Variants in ABCC11 observed in about 807,000 individuals in gnomAD.
ABCC11 encodes the protein ATP-binding cassette sub-family C member 11.
In ABCC11, 135 loss-of-function variants were observed where a neutral mutation model predicts 149.3. The ratio of observed to expected loss-of-function variants is 0.90; its 90% CI spans 0.79 to 1.04. The LOEUF (loss-of-function observed/expected upper bound fraction) is 1.04, where lower values mean the gene tolerates loss of function less well. Ranked by LOEUF, ABCC11 falls within the 50% of genes least tolerant of loss-of-function variation. The pLI, the probability that ABCC11 is intolerant of heterozygous loss-of-function variation, is 0.00. For synonymous variants in ABCC11, 665 were observed against 671.4 expected (o/e 0.99, Z 0.15); for missense variants, 1,680 against 1,722.1 (o/e 0.98, Z 0.43).
chr16:48,235,952 T>G (rs1874520048), intron 1 of ABCC11, among the ~76,000 whole-genome samples: 1 of 152,148 alleles, frequency 6.6e-6, no homozygotes, highest in Non-Finnish European at 1.5e-5. Context: ...CTGATTTATT[T>G]CCATGTTCTT....
chr16:48,185,329 T>C (rs767376495), intron 22 of ABCC11, among the ~76,000 whole-genome samples: 1 of 152,244 alleles, frequency 6.6e-6, no homozygotes, highest in Non-Finnish European at 1.5e-5. Flanking sequence ...CAATTGTTAG[T>C]ATTTTGCCAT....
rs373067714 is a variant in ABCC11 at position 48,175,437 on chromosome 16, C to A, written c.3539-20G>T. 26 of 1,594,286 alleles carry A rather than the reference C, an allele frequency of 1.6e-5. No individual in the cohort carries two copies. The highest frequency in any genetic ancestry group is 5.4e-5 in the African/African-American group (4 of 74,622). On this transcript the variant is annotated intron_variant, in intron 25 of 29. Coordinates refer to ENST00000356608, the MANE Select transcript of ABCC11 (RefSeq NM_001370497.1). ...ACTTCCCTGTGGGGCAAGAAACAAGCGGGGCCTCAGTTTCCTGCATCTGCA... is the reference window on the plus strand; with the variant it reads ...ACTTCCCTGTGGGGCAAGAAACAAGAGGGGCCTCAGTTTCCTGCATCTGCA...
At chr16:48,224,847 A>AC (rs551249765) in intron 4 of ABCC11, among the ~76,000 whole-genome samples, 220 of 152,052 alleles carry the variant, frequency 1.4e-3, no homozygotes, top group African/African-American at 5.0e-3. Flanking sequence ...ACATGGTGAA[A>AC]CCCCCATCTC....
intron 1 of ABCC11, among the ~76,000 whole-genome samples, chr16:48,243,022 C>T (rs1032454878): frequency 3.3e-5 from 5 of 150,898 alleles, no homozygotes; most frequent in Non-Finnish European, 7.4e-5. Context: ...GTACGTTGTG[C>T]ACATGTACCC....
At position 48,222,578 on chromosome 16, in the gene ABCC11, A is replaced by T; in HGVS notation, c.777+20T>A. The T allele has an allele frequency of 6.2e-7, 1 of 1,601,140 alleles. No homozygotes were observed. The highest frequency in any genetic ancestry group is 1.1e-5 in the South Asian group (1 of 90,714). On this transcript the variant is annotated intron_variant, in intron 6 of 29. Coordinates refer to ENST00000356608, the MANE Select transcript of ABCC11 (RefSeq NM_001370497.1). ...AGGGTAGGGAAGCATGGCCCAGAAT[A>T]GGCAGTCCCAGCTGCTTACCTCTCC... is the stretch of plus-strand genomic sequence containing the variant.
intron 28 of ABCC11, among the ~76,000 whole-genome samples, chr16:48,167,889 G>A (rs1268597292): frequency 6.6e-6 from 1 of 152,144 alleles, no homozygotes; most frequent in Non-Finnish European, 1.5e-5. Context: ...CATTTTAGTG[G>A]CCAGAGAATT....
At chr16:48,236,640 G>T (rs1970703532) in intron 1 of ABCC11, among the ~76,000 whole-genome samples, 1 of 152,158 alleles carries the variant, frequency 6.6e-6, no homozygotes, top group Non-Finnish European at 1.5e-5. Flanking sequence ...CAAAAAAGGA[G>T]CTAGGAAAGC....
chr16:48,169,396 G>A (rs951444417), intron 28 of ABCC11, among the ~76,000 whole-genome samples: 1 of 152,136 alleles, frequency 6.6e-6, no homozygotes, highest in African/African-American at 2.4e-5. Flanking sequence ...TTTTGTAGAA[G>A]GTGTAAGGAA....
intron 25 of ABCC11, 147 bp downstream of exon 25, chr16:48,176,777 A>G: frequency 1.1e-6 from 1 of 949,268 alleles, no homozygotes; most frequent in Middle Eastern, 3.4e-4. Context: ...TTCGCTCACC[A>G]GTGTTTGTCT....
intron 26 of ABCC11, 114 bp downstream of exon 26, chr16:48,175,144 C>A: frequency 2.2e-6 from 3 of 1,386,728 alleles, no homozygotes; most frequent in Non-Finnish European, 2.9e-6. Context: ...CCCAGCAGGC[C>A]AAGGAGGCCT....
chr16:48,220,883 G>T (rs975341446), intron 6 of ABCC11, among the ~76,000 whole-genome samples: 2 of 152,196 alleles, frequency 1.3e-5, no homozygotes, highest in African/African-American at 4.8e-5. Context: ...ATCTGAAATG[G>T]TTTGTGTCTT....
intron 3 of ABCC11, among the ~76,000 whole-genome samples, chr16:48,229,730 C>T (rs543745031): frequency 6.6e-6 from 1 of 152,156 alleles, no homozygotes; most frequent in Non-Finnish European, 1.5e-5. Flanking sequence ...TCCCAAAGTG[C>T]TGGGATTACA....
intron 28 of ABCC11, 149 bp downstream of exon 28, chr16:48,169,956 G>A: frequency 1.6e-6 from 1 of 623,106 alleles, no homozygotes; most frequent in Non-Finnish European, 2.8e-6. Flanking sequence ...GGATTCTGTT[G>A]CTGTTGTTGT....
intron 20 of ABCC11, among the ~76,000 whole-genome samples, chr16:48,190,776 A>G (rs532123276): frequency 6.6e-6 from 1 of 152,320 alleles, no homozygotes; most frequent in Non-Finnish European, 1.5e-5. Context: ...ACTCAGGGCA[A>G]TCATAAGCAA....
intron 1 of ABCC11, among the ~76,000 whole-genome samples, chr16:48,244,944 T>G (rs748744949): frequency 9.2e-5 from 14 of 152,180 alleles, no homozygotes; most frequent in Admixed American, 2.0e-4. Flanking sequence ...CCAGTGCTTT[T>G]AACTTTCCAG....
rs767686209 is a variant in ABCC11 at position 48,167,592 on chromosome 16, G to T, written c.3960C>A (p.Ile1320=). 1.9e-6 allele frequency: 3 copies of T among 1,612,466 alleles called. No homozygotes were observed. The highest frequency in any genetic ancestry group is 2.2e-5 in the South Asian group (2 of 91,066). Residue 1320 remains isoleucine (I), a synonymous_variant, in exon 29 of 30, where the codon ATC becomes ATA. Coordinates refer to ENST00000356608, the MANE Select transcript of ABCC11 (RefSeq NM_001370497.1). ...METDTLIQRT[I]REAFQGCTVL... is the part of the protein sequence containing the mutation. ...CGGTGCAGCCCTGGAAGGCTTCACG[G>T]ATTGTGCGCTGGATCAGGGTGTCTG... is the stretch of plus-strand genomic sequence containing the variant.
At position 48,200,229 on chromosome 16, in the gene ABCC11, T is replaced by C. The variant is rs766389185; in HGVS notation, c.2082+47A>G. On this transcript the variant is annotated intron_variant, in intron 15 of 29. Coordinates refer to ENST00000356608, the MANE Select transcript of ABCC11 (RefSeq NM_001370497.1). Reference sequence around the variant, plus strand: ...CTCTGAAATGGCAAAGGCTTGAGGATCTACGTTATCCGTCAATCACAGTCA... The same window carrying C: ...CTCTGAAATGGCAAAGGCTTGAGGACCTACGTTATCCGTCAATCACAGTCA... 12 of 1,576,290 alleles carry C rather than the reference T, an allele frequency of 7.6e-6. No individual in the cohort carries two copies. The East Asian group carries it at 1.6e-4, about 21-fold the overall frequency.
At chr16:48,225,008 G>C (rs1018861740) in intron 4 of ABCC11, among the ~76,000 whole-genome samples, 1 of 151,554 alleles carries the variant, frequency 6.6e-6, no homozygotes, top group African/African-American at 2.4e-5. Flanking sequence ...GGGTGACAGA[G>C]TGAGACTCCA....
rs758230101 is a variant in ABCC11, at chr16:48,197,932, G to C, written c.2314+39C>G. ...CTGGGACCTCTGGAGGACCCAGGCA[G>C]GCATGCAGACATTCTTGTCCTATCT... is the stretch of plus-strand genomic sequence containing the variant. On this transcript the variant is annotated intron_variant, in intron 17 of 29. Transcript: ENST00000356608. 1.4e-5 allele frequency: 22 copies of C among 1,605,232 alleles called. No homozygotes were observed. The East Asian group carries it at 4.9e-4, about 36-fold the overall frequency.
Sources: allele counts gnomAD v4.1 joint callset (sites outside exome capture counted in the v4.1 genomes callset), GRCh38; gene constraint gnomAD v4.1.1; transcripts MANE v1.5; gene names NCBI Gene and HGNC (gene_info 2026-07-23, HGNC 2026-07-21).